The following CACNA2D2 variants were observed in gnomAD, a reference collection of about 807,000 sequenced individuals.
CACNA2D2 encodes calcium voltage-gated channel auxiliary subunit alpha2delta 2.
In CACNA2D2, 48 loss-of-function variants were observed where a neutral mutation model predicts 166.4. The observed-to-expected ratio is 0.29, with a 90% confidence interval of 0.23 to 0.37. CACNA2D2 has a LOEUF of 0.37. CACNA2D2 is among the 10% of genes least tolerant of loss of function. The probability of loss-of-function intolerance (pLI) is 1.00; values close to 1 mark genes in which losing one functional copy is unlikely to be tolerated. For missense variants in CACNA2D2, 1,122 were observed against 1,433.0 expected, an observed-to-expected ratio of 0.78 and a Z score of 3.50; for synonymous variants, 561 against 573.7, an observed-to-expected ratio of 0.98 and a Z score of 0.32.
intron 1 of CACNA2D2, among the ~76,000 whole-genome samples, chr3:50,500,791 T>C (rs1698933164): frequency 9.3e-6 from 1 of 107,534 alleles, no homozygotes; most frequent in Non-Finnish European, 1.7e-5. Context: ...AGCCCTGTCC[T>C]CCCTTCAGCA....
intron 1 of CACNA2D2, 57 bp from the exon 2 acceptor site, chr3:50,476,256 C>T (rs1403846081): frequency 6.3e-5 from 89 of 1,405,352 alleles, no homozygotes; most frequent in Non-Finnish European, 8.4e-5. Flanking sequence ...CTGCACAGCC[C>T]CACCCCAGCC....
At position 50,380,920 on chromosome 3, in the gene CACNA2D2, C is replaced by T. The variant is rs1319989378; in HGVS notation, c.784+75G>A. The T allele has an allele frequency of 5.7e-6, 9 of 1,583,928 alleles. No individual in the cohort carries two copies. The highest frequency in any genetic ancestry group is 7.8e-6 in the Non-Finnish European group (9 of 1,161,160). On this transcript the variant is annotated intron_variant, in intron 7 of 37. Transcript: ENST00000424201. This position sits in a 1 kb window ranked among gnomAD's most constrained non-coding sequence, Gnocchi z 4.9. Reference sequence around the variant, plus strand: ...TACAGAGAAGCCACCCCGCCCCATGCCCCCAGGATGGGTGGGCTGGTAGAT... The same window carrying T: ...TACAGAGAAGCCACCCCGCCCCATGTCCCCAGGATGGGTGGGCTGGTAGAT...
chr3:50,489,908 T>C (rs539375636), intron 1 of CACNA2D2, among the ~76,000 whole-genome samples: 1 of 151,122 alleles, frequency 6.6e-6, no homozygotes, highest in East Asian at 1.9e-4. Context: ...CTCACTCCCA[T>C]GTCTTCTTCA....
At chr3:50,421,316 G>A (rs189868691) in intron 3 of CACNA2D2, among the ~76,000 whole-genome samples, 2 of 152,328 alleles carry the variant, frequency 1.3e-5, no homozygotes, top group East Asian at 3.9e-4. Flanking sequence ...ATAAAAGGGA[G>A]CCCAGGTATG....
At chr3:50,498,797 C>A (rs773727239) in intron 1 of CACNA2D2, among the ~76,000 whole-genome samples, 1 of 152,232 alleles carries the variant, frequency 6.6e-6, no homozygotes, top group African/African-American at 2.4e-5. Context: ...GAGATTCAGG[C>A]TTCAAGCCCC....
intron 1 of CACNA2D2, 67 bp downstream of exon 1, chr3:50,503,151 C>T (rs1041945567): frequency 3.8e-5 from 37 of 972,446 alleles, no homozygotes; most frequent in Non-Finnish European, 4.8e-5. Context: ...GAAGGAGTAG[C>T]GCGGACCGGG....
chr3:50,379,504 C>T lies in CACNA2D2; in HGVS notation c.1080G>A (p.Val360=). The T allele has an allele frequency of 6.2e-7, 1 of 1,614,002 alleles. No homozygotes were observed. The highest frequency in any genetic ancestry group is 8.5e-7 in the Non-Finnish European group (1 of 1,180,038). ...VRNKKVFKEA[V]QGMVAKGTTG... The stretch of plus-strand genomic sequence containing the variant: ...TGGTGCCCTTGGCCACCATGCCCTG[C>T]ACAGCTTCCTTGAACACCTTCTTGT... The change falls in exon 11 of 38, where the codon GTG becomes GTA. Residue 360 remains valine (V), a synonymous_variant. Transcript: ENST00000424201. The surrounding 1 kb of genome is among the most constrained non-coding windows in gnomAD (Gnocchi z 6.5).
chr3:50,457,659 G>A (rs184479747), intron 2 of CACNA2D2, among the ~76,000 whole-genome samples: 1 of 152,272 alleles, frequency 6.6e-6, no homozygotes, highest in Non-Finnish European at 1.5e-5. Context: ...ACGTACCTCT[G>A]CCACTGCCTC....
In CACNA2D2 at chr3:50,378,096, T is replaced by A. The variant is rs756500944; in HGVS notation, c.1391A>T (p.Glu464Val). Residue 464 changes from glutamate (E) to valine (V), a missense_variant and splice_region_variant, in exon 15 of 38, where the codon GAA (glutamate) becomes GTA (valine). Physicochemically the swap from Glu to Val is moderately radical, Grantham distance 121. Around this residue, in one of 2 missense-constraint regions of CACNA2D2, gnomAD observed 840 missense variants for 1,166.8 expected, o/e 0.72. Coordinates refer to ENST00000424201, the MANE Select transcript of CACNA2D2 (RefSeq NM_006030.4). Reference protein sequence around the residue: ...SIGAIRINTQEYLDVLGRPMV... With the variant: ...SIGAIRINTQVYLDVLGRPMV... ...GGGCCTGCCCAACACATCTAGATAT[T>A]CCTGGGGAGGGGGCAGTGGTGGGGG... 6.2e-7 allele frequency: 1 copy of A among 1,613,282 alleles called. No homozygotes were observed.
chr3:50,380,887 CCA>C lies in CACNA2D2; in HGVS notation c.785-84_785-83del. On this transcript the variant is annotated intron_variant, in intron 7 of 37. Transcript: ENST00000424201. The surrounding 1 kb of genome is among the most constrained non-coding windows in gnomAD (Gnocchi z 4.9). ...AGACCTTGCAGAGGCGACTGGGCTG[CCA>C]CAGACTACAGAGAAGCCACCCCGCC... 2.6e-6 allele frequency: 4 copies of C among 1,539,110 alleles called. No homozygotes were observed. Among genetic ancestry groups the C allele is most frequent in the Middle Eastern group, 1.8e-4 (1 of 5,602 alleles).
At chr3:50,459,151 T>C (rs1709490989) in intron 2 of CACNA2D2, among the ~76,000 whole-genome samples, 1 of 152,216 alleles carries the variant, frequency 6.6e-6, no homozygotes, top group South Asian at 2.1e-4. Flanking sequence ...AGTGAGCTAA[T>C]TACAGGGCAG....
intron 2 of CACNA2D2, among the ~76,000 whole-genome samples, chr3:50,443,181 C>T (rs1024518565): frequency 2.6e-5 from 4 of 152,210 alleles, no homozygotes; most frequent in African/African-American, 4.8e-5. Context: ...TCACAGAAGT[C>T]GCCGGGTGCG....
Position 50,366,645 on chromosome 3 carries a change from G to A in CACNA2D2, c.2590-20C>T. 6.2e-7 allele frequency: 1 copy of A among 1,613,664 alleles called. No individual in the cohort carries two copies. Among genetic ancestry groups the A allele is most frequent in the Non-Finnish European group, 8.5e-7 (1 of 1,179,894 alleles). On this transcript the variant is annotated intron_variant, in intron 29 of 37. Transcript: ENST00000424201. This position sits in a 1 kb window ranked among gnomAD's most constrained non-coding sequence, Gnocchi z 5.9. Reference sequence around the variant, plus strand: ...GCCGCACTGCTGGGCAGAGAGTGAGGACCGTAAGCCACCCACCAGTTTTCC... The same window carrying A: ...GCCGCACTGCTGGGCAGAGAGTGAGAACCGTAAGCCACCCACCAGTTTTCC...
intron 1 of CACNA2D2, among the ~76,000 whole-genome samples, chr3:50,478,051 G>GAA (rs879939640): frequency 2.7e-5 from 4 of 146,134 alleles, no homozygotes; most frequent in Non-Finnish European, 6.0e-5. Flanking sequence ...GACCATGATG[G>GAA]AAAAAAAAAA....
At chr3:50,500,891 A>G (rs1196011928) in intron 1 of CACNA2D2, among the ~76,000 whole-genome samples, 1 of 152,178 alleles carries the variant, frequency 6.6e-6, no homozygotes, top group Non-Finnish European at 1.5e-5. Flanking sequence ...GATTGCAGAA[A>G]TCATAGCTAG....
intron 22 of CACNA2D2, 43 bp downstream of exon 22, chr3:50,374,694 C>G (rs756880236): frequency 2.6e-6 from 4 of 1,560,538 alleles, no homozygotes; most frequent in Non-Finnish European, 1.7e-6. Context: ...GGGTGCGGGG[C>G]AGAGGCAGGG....
At chr3:50,434,876 C>T (rs946502823) in intron 2 of CACNA2D2, among the ~76,000 whole-genome samples, 2 of 152,256 alleles carry the variant, frequency 1.3e-5, no homozygotes, top group Non-Finnish European at 2.9e-5. Flanking sequence ...TGCTCACGCC[C>T]ATGCATGGGC....
In CACNA2D2 at chr3:50,366,546, T is replaced by C; in HGVS notation, c.2637+32A>G. 6.2e-7 allele frequency: 1 copy of C among 1,612,212 alleles called. No individual in the cohort carries two copies. Among genetic ancestry groups the C allele is most frequent in the Non-Finnish European group, 8.5e-7 (1 of 1,178,372 alleles). On this transcript the variant is annotated intron_variant, in intron 30 of 37. Transcript: ENST00000424201. This position sits in a 1 kb window ranked among gnomAD's most constrained non-coding sequence, Gnocchi z 5.9. ...TAGGAAGTCTGGAAGTGGGGTAAGC[T>C]AGGGTCCAGGGTAGGTTCAGGGCAC...
Position 50,364,919 on chromosome 3 carries a change from C to A in CACNA2D2, c.3260G>T (p.Gly1087Val). 6.2e-7 allele frequency: 1 copy of A among 1,613,368 alleles called. No individual in the cohort carries two copies. The highest frequency in any genetic ancestry group is 8.5e-7 in the Non-Finnish European group (1 of 1,179,892). ...ELVQRPRYRR[G>V]PHICFDYNAT... The stretch of plus-strand genomic sequence containing the variant: ...GTTGTAGTCGAAGCAGATGTGCGGG[C>A]CTCTCCGGTATCGCGGTCTCTGCAC... Residue 1087 changes from glycine (G) to valine (V), a missense_variant, in exon 37 of 38, where the codon GGC becomes GTC. By Grantham distance (109) the Gly-to-Val change is moderately radical. Around this residue, in one of 2 missense-constraint regions of CACNA2D2, gnomAD observed 282 missense variants for 266.2 expected, o/e 1.06. Coordinates refer to ENST00000424201, the MANE Select transcript of CACNA2D2 (RefSeq NM_006030.4).
Sources: allele counts gnomAD v4.1 joint callset (sites outside exome capture counted in the v4.1 genomes callset), GRCh38; gene constraint gnomAD v4.1.1; regional missense constraint gnomAD v4.1.1; non-coding constraint Gnocchi (gnomAD v3.1); transcripts MANE v1.5; gene names NCBI Gene and HGNC (gene_info 2026-07-23, HGNC 2026-07-21).